The following TSPAN16 variants were observed in gnomAD, a reference collection of about 807,000 sequenced individuals.
The protein encoded by TSPAN16 is tetraspanin 16, also known as tetraspanin-16.
Under a neutral mutation model 25.2 loss-of-function variants are expected in TSPAN16, and 23 were observed. The observed-to-expected ratio is 0.91, with a 90% CI of 0.66 to 1.29. The LOEUF (loss-of-function observed/expected upper bound fraction) is 1.29. TSPAN16 is among the 50% of genes most tolerant of loss of function. TSPAN16 has a pLI of 0.00. For synonymous variants in TSPAN16, 123 were observed against 124.4 expected, an observed-to-expected ratio of 0.99 and a Z score of 0.08; for missense variants, 272 against 299.9, an observed-to-expected ratio of 0.91 and a Z score of 0.69.
intron 6 of TSPAN16, 159 bp downstream of exon 6, chr19:11,312,381 G>A (rs2080702802): frequency 6.9e-6 from 3 of 433,272 alleles, no homozygotes; most frequent in Non-Finnish European, 8.2e-6. Context: ...AAATCAAGCA[G>A]AAGGAAGATG....
chr19:11,299,377 C>T (rs777945595), intron 3 of TSPAN16, among the ~76,000 whole-genome samples: 4 of 152,100 alleles, frequency 2.6e-5, no homozygotes, highest in Admixed American at 6.6e-5. Flanking sequence ...GCCCATCACA[C>T]GTGCCACCTT....
chr19:11,298,398 TTGTGCG>T, intron 2 of TSPAN16, 59 bp downstream of exon 2: 1 of 1,536,462 alleles, frequency 6.5e-7, no homozygotes, highest in Non-Finnish European at 8.9e-7. Flanking sequence ...AAATCTTTTA[TTGTGCG>T]TGTTGCAAAC....
At chr19:11,316,086 GGT>G (rs147500274), downstream of TSPAN16, 1,088 of 256,840 alleles carry the variant, frequency 4.2e-3, 1 homozygote, top group East Asian at 5.3e-3. Flanking sequence ...AATTATTCTT[GGT>G]GTGTGTGTGT....
intron 6 of TSPAN16, chr19:11,325,173 CCATG>C (rs936118477): frequency 8.1e-6 from 4 of 493,026 alleles, no homozygotes; most frequent in Admixed American, 6.7e-5. Flanking sequence ...CCTCTGCCTG[CCATG>C]CAGAGCTGAG....
chr19:11,300,271 A>C (rs923165518), intron 3 of TSPAN16, among the ~76,000 whole-genome samples: 72 of 152,184 alleles, frequency 4.7e-4, no homozygotes, highest in African/African-American at 1.7e-3. Context: ...ATGGCAAATG[A>C]GGCAGGTAAG....
At chr19:11,312,896 A>G (rs2080708315) in intron 6 of TSPAN16, among the ~76,000 whole-genome samples, 1 of 152,222 alleles carries the variant, frequency 6.6e-6, no homozygotes, top group South Asian at 2.1e-4. Context: ...ACTATAAGGG[A>G]AAAGTGTGAA....
At chr19:11,322,584 A>T (rs927574787) in intron 6 of TSPAN16, 1 of 152,164 alleles carries the variant, frequency 6.6e-6, no homozygotes, top group Non-Finnish European at 1.5e-5. Context: ...ATCTGCAAAA[A>T]CATCAGTTTT....
intron 4 of TSPAN16, among the ~76,000 whole-genome samples, chr19:11,306,006 G>A (rs1266990889): frequency 2.6e-5 from 4 of 151,880 alleles, no homozygotes; most frequent in East Asian, 1.9e-4. Context: ...GGTGGCTCAC[G>A]CCGCTAATCC....
chr19:11,315,905 A>C lies in TSPAN16; in HGVS notation c.*67A>C. On this transcript the variant is annotated 3_prime_UTR_variant, in exon 7 of 7. Transcript: ENST00000590327. ...CTGCTGGAGATTCAGTCTCAGTTTTATTTCTCTGTGGCACTCACTGCTTCT... is the reference window on the plus strand; with the variant it reads ...CTGCTGGAGATTCAGTCTCAGTTTTCTTTCTCTGTGGCACTCACTGCTTCT... 1.6e-6 allele frequency: 2 copies of C among 1,231,372 alleles called. No individual in the cohort carries two copies. Among genetic ancestry groups the C allele is most frequent in the Non-Finnish European group, 2.0e-6 (2 of 987,566 alleles). The allele number at this position is 1,231,372 out of a possible 1,614,324, so 76.3% of individuals were successfully genotyped here. A position where few individuals can be genotyped will look rare whatever the true frequency, so the allele number is the denominator to read the frequency against.
chr19:11,323,138 G>A (rs998092749), intron 6 of TSPAN16: 5 of 151,358 alleles, frequency 3.3e-5, no homozygotes, highest in African/African-American at 1.2e-4. Context: ...AAAAACCTCA[G>A]CAGGCCATAC....
intron 1 of TSPAN16, among the ~76,000 whole-genome samples, chr19:11,297,498 T>G (rs1308907373): frequency 6.6e-6 from 1 of 151,726 alleles, no homozygotes; most frequent in Non-Finnish European, 1.5e-5. Flanking sequence ...TTATTTTATT[T>G]TATTTTATTT....
chr19:11,326,507 C>A (rs1294458965), intron 6 of TSPAN16, among the ~76,000 whole-genome samples: 2 of 152,222 alleles, frequency 1.3e-5, no homozygotes, highest in South Asian at 2.1e-4. Context: ...TGCTGCCCTG[C>A]GGCCATGGCA....
At chr19:11,299,056 G>A (rs2080513353) in intron 3 of TSPAN16, 110 bp downstream of exon 3, 2 of 1,054,622 alleles carry the variant, frequency 1.9e-6, no homozygotes, top group Admixed American at 2.0e-5. Context: ...GAGTCTGGTG[G>A]ATCACCTGAG....
intron 5 of TSPAN16, chr19:11,308,210 C>T (rs1351558119): frequency 1.3e-5 from 2 of 152,226 alleles, no homozygotes; most frequent in African/African-American, 4.8e-5. Context: ...TTAACTTCTT[C>T]CACGAGTGAA....
Position 11,326,644 on chromosome 19 carries a change from C to T in TSPAN16, c.688-150C>T, listed in dbSNP as rs2080814820. The T allele has an allele frequency of 1.3e-5, 7 of 527,956 alleles. No homozygotes were observed. The East Asian group carries it at 2.4e-4, about 18-fold the overall frequency. The allele number at this position is 527,956 out of a possible 1,614,324, so 32.7% of individuals were successfully genotyped here. On this transcript the variant is annotated intron_variant, in intron 6 of 6. Transcript: ENST00000316737. ...AAAGAGAAACGGTCTCTCTCTATTG[C>T]CCAGGCCGGGGTGTAGTGGTATGAA...
intron 1 of TSPAN16, among the ~76,000 whole-genome samples, chr19:11,296,888 A>T (rs1195632657): frequency 1.5e-4 from 23 of 152,036 alleles, no homozygotes; most frequent in Admixed American, 1.5e-3. Context: ...AAATACAAAA[A>T]AATTAGATGG....
intron 2 of TSPAN16, 31 bp from the exon 3 acceptor site, chr19:11,298,841 C>G: frequency 6.2e-7 from 1 of 1,608,524 alleles, no homozygotes; most frequent in Non-Finnish European, 8.5e-7. Context: ...TGAGCAGGCT[C>G]CCAGGCCCTC....
intron 6 of TSPAN16, chr19:11,325,331 G>A (rs2080805420): frequency 1.9e-6 from 2 of 1,049,808 alleles, no homozygotes; most frequent in Non-Finnish European, 2.8e-6. Context: ...TAACCACTGT[G>A]GCTCACGCCT....
At chr19:11,310,447 G>A (rs1019840763) in intron 5 of TSPAN16, among the ~76,000 whole-genome samples, 6 of 151,772 alleles carry the variant, frequency 4.0e-5, no homozygotes, top group Admixed American at 6.6e-5. Flanking sequence ...CCCGGGAGGC[G>A]GAGGTTGCGG....
Sources: allele counts gnomAD v4.1 joint callset (sites outside exome capture counted in the v4.1 genomes callset), GRCh38; gene constraint gnomAD v4.1.1; transcripts MANE v1.5; gene names NCBI Gene and HGNC (gene_info 2026-07-23, HGNC 2026-07-21).